Variants in MACROD2 observed in about 807,000 individuals in gnomAD.
MACROD2 encodes mono-ADP ribosylhydrolase 2.
In MACROD2, 36 loss-of-function variants were observed where a neutral mutation model predicts 70.4. The ratio of observed to expected loss-of-function variants is 0.51; its 90% CI spans 0.39 to 0.68. The LOEUF is 0.68. MACROD2 is among the 30% of genes least tolerant of loss of function. MACROD2 has a pLI of 0.00. For missense variants in MACROD2, 496 were observed against 538.4 expected, an observed-to-expected ratio of 0.92 and a Z score of 0.78; for synonymous variants, 172 against 178.8, an observed-to-expected ratio of 0.96 and a Z score of 0.30.
intron 5 of MACROD2, among the ~76,000 whole-genome samples, chr20:15,066,755 A>C (rs2075578972): frequency 1.3e-5 from 2 of 151,816 alleles, no homozygotes; most frequent in Non-Finnish European, 2.9e-5. Flanking sequence ...GGTGGTGGGC[A>C]CCTGTAATTC....
chr20:15,758,758 G>T (rs1455573497), intron 8 of MACROD2, among the ~76,000 whole-genome samples: 1 of 151,638 alleles, frequency 6.6e-6, no homozygotes, highest in African/African-American at 2.4e-5. Flanking sequence ...GCCCAGGATG[G>T]TCTTGAATGC....
In MACROD2 at chr20:15,533,143, T is replaced by C. The variant is rs375202768; in HGVS notation, c.645+33296T>C. ...AAAATTAAATCCAAAGGAAATCTTT[T>C]AGCAGTATTCACATTAAGATGCTGG... is the stretch of plus-strand genomic sequence containing the variant. On this transcript the variant is annotated intron_variant, in intron 8 of 17. Coordinates refer to ENST00000684519, the MANE Select transcript of MACROD2 (RefSeq NM_001351661.2). Among the ~76,000 whole-genome samples the C allele has an allele frequency of 3.3e-5, 5 of 152,392 alleles. No individual in the cohort carries two copies. The East Asian group carries it at 9.6e-4, about 29-fold the overall frequency.
At chr20:14,400,551 A>G (rs1008937940) in intron 3 of MACROD2, among the ~76,000 whole-genome samples, 1 of 152,194 alleles carries the variant, frequency 6.6e-6, no homozygotes, top group African/African-American at 2.4e-5. Flanking sequence ...TACAGCTGTC[A>G]TGGCATTTCT....
intron 8 of MACROD2, among the ~76,000 whole-genome samples, chr20:15,715,544 A>C (rs779744445): frequency 2.6e-5 from 4 of 152,146 alleles, no homozygotes; most frequent in African/African-American, 4.8e-5. Flanking sequence ...ATCACTACCA[A>C]ATTTTTAGAC....
At chr20:15,116,976 C>G (rs1040184710) in intron 5 of MACROD2, among the ~76,000 whole-genome samples, 1 of 152,116 alleles carries the variant, frequency 6.6e-6, no homozygotes. Flanking sequence ...TTCATGACAG[C>G]ATGTCAAGTA....
At chr20:14,140,821 G>A (rs1366880684) in intron 3 of MACROD2, among the ~76,000 whole-genome samples, 4 of 152,088 alleles carry the variant, frequency 2.6e-5, no homozygotes, top group African/African-American at 7.2e-5. Flanking sequence ...GGTATCGGCC[G>A]AGAGAGAGGC....
rs554285696 is a variant in MACROD2 at position 14,331,255 on chromosome 20, C to A, written c.272-162224C>A. ...GTGTCTGGACTATATATATATTTCACCAAATAAGGCTCTAACAATATGTAT... is the reference window on the plus strand; with the variant it reads ...GTGTCTGGACTATATATATATTTCAACAAATAAGGCTCTAACAATATGTAT... On this transcript the variant is annotated intron_variant, in intron 3 of 17. Transcript: ENST00000684519. 2.1e-3 allele frequency among the ~76,000 whole-genome samples: 314 copies of A among 152,104 alleles called. 2 individuals are homozygous for A. Among genetic ancestry groups the A allele is most frequent in the African/African-American group, 7.4e-3 (307 of 41,498 alleles).
chr20:14,685,805 TA>T (rs1449604838), intron 5 of MACROD2, among the ~76,000 whole-genome samples: 1 of 152,214 alleles, frequency 6.6e-6, no homozygotes, highest in Non-Finnish European at 1.5e-5. Flanking sequence ...ACATTTTATG[TA>T]AAAGTGAAGC....
At chr20:15,191,925 T>TAGAGAGAG (rs1199496853) in intron 5 of MACROD2, among the ~76,000 whole-genome samples, 3 of 55,036 alleles carry the variant, frequency 5.5e-5, no homozygotes, top group East Asian at 3.7e-3. Flanking sequence ...TGTATATATA[T>TAGAGAGAG]ATATATAGAG....
chr20:15,552,928 G>T (rs1392224952), intron 8 of MACROD2: 1 of 152,104 alleles, frequency 6.6e-6, no homozygotes, highest in Non-Finnish European at 1.5e-5. Flanking sequence ...TGTTCTTCCT[G>T]GGATCATCCC....
chr20:14,876,416 T>C (rs1004153720), intron 5 of MACROD2, among the ~76,000 whole-genome samples: 20 of 152,128 alleles, frequency 1.3e-4, no homozygotes, highest in Non-Finnish European at 2.9e-5. Flanking sequence ...ATTCTGTAGG[T>C]TGTCTGTTTA....
At chr20:14,192,740 A>G (rs993726351) in intron 3 of MACROD2, among the ~76,000 whole-genome samples, 1 of 152,192 alleles carries the variant, frequency 6.6e-6, no homozygotes, top group African/African-American at 2.4e-5. Context: ...CCATCTGTTT[A>G]TGCGTAGTAA....
Position 14,262,848 on chromosome 20 carries a change from G to A in MACROD2, c.271+177120G>A, listed in dbSNP as rs954608049. Among the ~76,000 whole-genome samples, 5 of 152,204 alleles carry A rather than the reference G, an allele frequency of 3.3e-5. No homozygotes were observed. The South Asian group carries it at 8.3e-4, about 25-fold the overall frequency. On this transcript the variant is annotated intron_variant, in intron 3 of 17. Coordinates refer to ENST00000684519, the MANE Select transcript of MACROD2 (RefSeq NM_001351661.2). ...CCAAGAGCAATCTTTTTTGAGAATA[G>A]AGTGAGGAGGTAGGCCAAGGTATGA...
intron 4 of MACROD2, among the ~76,000 whole-genome samples, chr20:14,595,245 G>A (rs912494426): frequency 6.6e-6 from 1 of 152,202 alleles, no homozygotes; most frequent in Non-Finnish European, 1.5e-5. Flanking sequence ...AAAATTAGGC[G>A]TGCAGACAAT....
At chr20:15,109,741 C>T (rs1015752700) in intron 5 of MACROD2, among the ~76,000 whole-genome samples, 1 of 152,150 alleles carries the variant, frequency 6.6e-6, no homozygotes, top group Non-Finnish European at 1.5e-5. Flanking sequence ...TGAATGCGCT[C>T]AGGAACTTTG....
intron 5 of MACROD2, chr20:14,893,165 G>A (rs1217202746): frequency 6.6e-6 from 1 of 152,102 alleles, no homozygotes; most frequent in Non-Finnish European, 1.5e-5. Context: ...CTCTTTGTAT[G>A]TATATACCAC....
intron 8 of MACROD2, 67 bp from the exon 9 acceptor site, chr20:15,862,678 G>T: frequency 1.6e-6 from 2 of 1,286,574 alleles, no homozygotes; most frequent in South Asian, 2.5e-5. Flanking sequence ...TTTGTTCTAC[G>T]GCTATGTCCT....
intron 3 of MACROD2, among the ~76,000 whole-genome samples, chr20:14,435,038 GT>G (rs1338591069): frequency 3.9e-5 from 6 of 152,162 alleles, no homozygotes; most frequent in Admixed American, 1.3e-4. Context: ...AAGTACCTCA[GT>G]TTCTGCTTAA....
intron 5 of MACROD2, among the ~76,000 whole-genome samples, chr20:14,908,119 G>A (rs563787328): frequency 1.7e-4 from 26 of 149,770 alleles, no homozygotes; most frequent in African/African-American, 5.9e-4. Flanking sequence ...CGAGACAGGC[G>A]GATCACCCGA....
Sources: allele counts gnomAD v4.1 joint callset (sites outside exome capture counted in the v4.1 genomes callset), GRCh38; gene constraint gnomAD v4.1.1; transcripts MANE v1.5; gene names NCBI Gene and HGNC (gene_info 2026-07-23, HGNC 2026-07-21).